UBTF: variants seen among roughly 807,000 people sequenced by gnomAD.
The protein encoded by UBTF is nucleolar transcription factor 1.
In UBTF, 8 loss-of-function variants were observed where a neutral mutation model predicts 112.3. The observed-to-expected ratio is 0.07, with a 90% confidence interval of 0.04 to 0.13. UBTF has a LOEUF of 0.13. UBTF is among the 10% of genes least tolerant of loss of function. The pLI is 1.00. For missense variants in UBTF, 457 were observed against 982.1 expected, an observed-to-expected ratio of 0.47 and a Z score of 7.15; for synonymous variants, 417 against 373.1, an observed-to-expected ratio of 1.12 and a Z score of -1.36.
At chr17:44,218,123 G>C in intron 2 of UBTF, 49 bp downstream of exon 2, 1 of 1,577,550 alleles carries the variant, frequency 6.3e-7, no homozygotes, top group African/African-American at 1.3e-5. Context: ...CCGCAGCCAC[G>C]AGGGAAAGAG....
intron 2 of UBTF, among the ~76,000 whole-genome samples, chr17:44,217,573 T>A (rs1567808737): frequency 6.6e-6 from 1 of 152,204 alleles, no homozygotes; most frequent in Admixed American, 6.5e-5. Flanking sequence ...TCTGGTAACC[T>A]GGGCCAGAGA....
At chr17:44,214,135 C>T (rs912571779) in intron 5 of UBTF, among the ~76,000 whole-genome samples, 11 of 152,220 alleles carry the variant, frequency 7.2e-5, no homozygotes, top group Admixed American at 3.3e-4. Context: ...TTCATCCTCG[C>T]GGGCTCACAA....
intron 12 of UBTF, 27 bp from the exon 13 acceptor site, chr17:44,210,974 C>G: frequency 6.2e-7 from 1 of 1,600,778 alleles, no homozygotes; most frequent in Non-Finnish European, 8.5e-7. Flanking sequence ...GGTCGGGGTC[C>G]GTGGGTGCTG....
chr17:44,205,479 T>C lies in UBTF; in HGVS notation c.*1763A>G, dbSNP rs2056195174. The C allele has an allele frequency of 6.6e-6, 1 of 152,264 alleles. No homozygotes were observed. Among genetic ancestry groups the C allele is most frequent in the Admixed American group, 6.5e-5 (1 of 15,272 alleles). 9.4% of individuals were successfully genotyped at this position (152,264 alleles called of 1,614,324 possible). ...GGCTCTTGGGAAGAAATAGAACCTA[T>C]AAACCCCTGTACTTAATTCCAGGAT... On this transcript the variant is annotated 3_prime_UTR_variant, in exon 21 of 21. Coordinates refer to ENST00000436088, the MANE Select transcript of UBTF (RefSeq NM_014233.4).
At chr17:44,216,382 A>G in intron 3 of UBTF, 147 bp downstream of exon 3, 1 of 968,098 alleles carries the variant, frequency 1.0e-6, no homozygotes, top group Non-Finnish European at 1.6e-6. Context: ...CCACCTCCCA[A>G]AATGCAAAGG....
chr17:44,214,391 A>G (rs1468852392), intron 5 of UBTF, among the ~76,000 whole-genome samples: 1 of 152,220 alleles, frequency 6.6e-6, no homozygotes, highest in Non-Finnish European at 1.5e-5. Context: ...GAAATGACTT[A>G]CCAAAGGCCC....
intron 8 of UBTF, 57 bp downstream of exon 8, chr17:44,212,287 T>C: frequency 6.8e-7 from 1 of 1,463,006 alleles, no homozygotes; most frequent in Non-Finnish European, 9.5e-7. Flanking sequence ...GGCCACGGAG[T>C]CGGAGGGCAG....
Position 44,216,701 on chromosome 17 carries a change from C to A in UBTF, c.62G>T (p.Arg21Leu). The change falls in exon 3 of 21, where the codon CGT becomes CTT. Residue 21 changes from arginine (R) to leucine (L), a missense_variant. Arg to Leu is a moderately radical substitution (Grantham distance 102). Coordinates refer to ENST00000436088, the MANE Select transcript of UBTF (RefSeq NM_014233.4). ...AGTCAGCATGTCTTCCTGGGACCAA[C>A]GGTCTGGTAAAGAGTAACAGAGGCC... is the stretch of plus-strand genomic sequence containing the variant. ...LEMAAPKGQD[R>L]WSQEDMLTLL... is the part of the protein sequence containing the mutation. 7 of 1,614,050 alleles carry A rather than the reference C, an allele frequency of 4.3e-6. No individual in the cohort carries two copies. Among genetic ancestry groups the A allele is most frequent in the Non-Finnish European group, 5.1e-6 (6 of 1,179,934 alleles).
At chr17:44,209,240 T>G in intron 17 of UBTF, 112 bp downstream of exon 17, 8 of 1,120,442 alleles carry the variant, frequency 7.1e-6, no homozygotes, top group Non-Finnish European at 8.7e-6. Context: ...GGGCATGGAA[T>G]GAAATCATGA....
chr17:44,219,771 G>T, upstream of UBTF: 1 of 153,590 alleles, frequency 6.5e-6, no homozygotes, highest in South Asian at 1.8e-4. Context: ...TCAGCCGCCG[G>T]AGCGGGGAGG....
rs759852295 is a variant in UBTF at position 44,211,052 on chromosome 17, T to G, written c.1190A>C (p.Gln397Pro). The G allele has an allele frequency of 1.2e-6, 2 of 1,612,006 alleles. No individual in the cohort carries two copies. Among genetic ancestry groups the G allele is most frequent in the Non-Finnish European group, 8.5e-7 (1 of 1,179,750 alleles). Reference sequence around the variant, plus strand: ...CCCTCTGCCCACCTTGCCCCCTTCCTGGGCTGGCTTCTTGGAGGCGGGGCT... The same window carrying G: ...CCCTCTGCCCACCTTGCCCCCTTCCGGGGCTGGCTTCTTGGAGGCGGGGCT... The part of the protein sequence containing the change: ...ATSPASKKPA[Q>P]EGGKGGSEKP... Residue 397 changes from glutamine (Q) to proline (P), a missense_variant, in exon 12 of 21, where the codon CAG becomes CCG. Around this residue, in one of 7 missense-constraint regions of UBTF, gnomAD observed 108 missense variants for 137.4 expected, o/e 0.79. Transcript: ENST00000436088. The surrounding 1 kb of genome is among the most constrained non-coding windows in gnomAD (Gnocchi z 4.9).
intron 15 of UBTF, 152 bp downstream of exon 15, chr17:44,209,972 C>T (rs1309582596): frequency 2.5e-5 from 22 of 885,266 alleles, no homozygotes; most frequent in Non-Finnish European, 3.6e-5. Context: ...ATGTCACCCC[C>T]ACCTTACTGA....
At chr17:44,212,768 C>G (rs766828319) in intron 7 of UBTF, 51 bp downstream of exon 7, 7 of 1,605,856 alleles carry the variant, frequency 4.4e-6, no homozygotes, top group South Asian at 2.2e-5. Context: ...GCGGCTCCCC[C>G]CTGGCCACCG....
In UBTF at chr17:44,212,332, C is replaced by T. The variant is rs1450335860; in HGVS notation, c.771+12G>A. 6 of 1,607,994 alleles carry T rather than the reference C, an allele frequency of 3.7e-6. No homozygotes were observed. The highest frequency in any genetic ancestry group is 5.1e-6 in the Non-Finnish European group (6 of 1,176,612). ...AAGAGCCGGACGGGGAGGAGCGCAG[C>T]GGAAGCCTAACCTCGTACTCCTTCC... On this transcript the variant is annotated intron_variant, in intron 8 of 20. Transcript: ENST00000436088.
intron 12 of UBTF, 45 bp from the exon 13 acceptor site, chr17:44,210,992 G>A: frequency 6.2e-7 from 1 of 1,600,032 alleles, no homozygotes; most frequent in Non-Finnish European, 8.5e-7. Flanking sequence ...CTGCCAGGGA[G>A]CCCAGTCTTG....
At chr17:44,208,091 AAT>A (rs1567788427) in intron 17 of UBTF, among the ~76,000 whole-genome samples, 180 bp from the exon 18 acceptor site, 15 of 116,422 alleles carry the variant, frequency 1.3e-4, no homozygotes, top group East Asian at 6.3e-4. Flanking sequence ...ACACAGCTCT[AAT>A]TTTTTTTTTT....
chr17:44,220,070 T>C (rs1444852382), upstream of UBTF, among the ~76,000 whole-genome samples: 7 of 92,516 alleles, frequency 7.6e-5, no homozygotes, highest in South Asian at 7.3e-4. Flanking sequence ...CTGCTGCTGC[T>C]GCCGCCGCCG....
In UBTF at chr17:44,207,803, G is replaced by A. The variant is rs1284862419; in HGVS notation, c.1954-33C>T. ...ATGGGGACACAAAGGTGGCAGCCAT[G>A]AGTTCGACACCCCTGAATTCCCCCA... On this transcript the variant is annotated intron_variant, in intron 18 of 20. Coordinates refer to ENST00000436088, the MANE Select transcript of UBTF (RefSeq NM_014233.4). The A allele has an allele frequency of 1.2e-6, 2 of 1,614,030 alleles. 1 individual carries two copies. The highest frequency in any genetic ancestry group is 1.7e-6 in the Non-Finnish European group (2 of 1,180,030).
At chr17:44,218,436 G>A (rs977796034) in intron 1 of UBTF, 140 bp from the exon 2 acceptor site, 2 of 552,966 alleles carry the variant, frequency 3.6e-6, no homozygotes, top group African/African-American at 2.0e-5. Flanking sequence ...AGGGGTCTAT[G>A]GGAATGGGAG....
Sources: allele counts gnomAD v4.1 joint callset (sites outside exome capture counted in the v4.1 genomes callset), GRCh38; gene constraint gnomAD v4.1.1; regional missense constraint gnomAD v4.1.1; non-coding constraint Gnocchi (gnomAD v3.1); transcripts MANE v1.5; gene names NCBI Gene and HGNC (gene_info 2026-07-23, HGNC 2026-07-21).